The following AKAP6 variants were observed in gnomAD, a reference collection of about 807,000 sequenced individuals.
The protein encoded by AKAP6 is A-kinase anchoring protein 6.
In AKAP6, 58 loss-of-function variants were observed where a neutral mutation model predicts 188.5. The ratio of observed to expected loss-of-function variants is 0.31; its 90% CI spans 0.25 to 0.38. The LOEUF (loss-of-function observed/expected upper bound fraction) is 0.38, where lower values mean the gene tolerates loss of function less well. Ranked by LOEUF, AKAP6 falls within the 10% of genes least tolerant of loss-of-function variation. The pLI is 1.00. For synonymous variants in AKAP6, 989 were observed against 998.6 expected (o/e 0.99, Z 0.18); for missense variants, 2,710 against 2,740.0 (o/e 0.99, Z 0.24).
chr14:32,496,772 C>G (rs1269652410), intron 2 of AKAP6, among the ~76,000 whole-genome samples: 2 of 152,066 alleles, frequency 1.3e-5, no homozygotes, highest in Non-Finnish European at 2.9e-5. Flanking sequence ...TTTTGTATGG[C>G]TCAACCTAGT....
At chr14:32,651,046 A>G (rs1888201576) in intron 7 of AKAP6, among the ~76,000 whole-genome samples, 1 of 152,264 alleles carries the variant, frequency 6.6e-6, no homozygotes, top group Non-Finnish European at 1.5e-5. Flanking sequence ...AGACAACTAG[A>G]GATTGTGTTG....
chr14:32,485,753 A>G (rs1462762316), intron 2 of AKAP6, among the ~76,000 whole-genome samples: 3 of 152,088 alleles, frequency 2.0e-5, no homozygotes, highest in Non-Finnish European at 4.4e-5. Flanking sequence ...TTTTTCTCCC[A>G]TTCTGTAGGT....
At chr14:32,540,168 C>CTCTCTCTCTATATA (rs1240063339) in intron 3 of AKAP6, among the ~76,000 whole-genome samples, 19 of 60,916 alleles carry the variant, frequency 3.1e-4, no homozygotes, top group African/African-American at 1.8e-3. Context: ...CTCTCTCTCT[C>CTCTCTCTCTATATA]TATATATATA....
At chr14:32,372,770 C>CTG (rs3031400) in intron 1 of AKAP6, among the ~76,000 whole-genome samples, 6,109 of 147,532 alleles carry the variant, frequency 0.041, 171 homozygotes, top group African/African-American at 0.09. Context: ...TTTTGTTGCT[C>CTG]TGTGTGTGTG....
At chr14:32,587,762 C>T (rs1300659019) in intron 5 of AKAP6, among the ~76,000 whole-genome samples, 2 of 152,176 alleles carry the variant, frequency 1.3e-5, no homozygotes, top group African/African-American at 4.8e-5. Flanking sequence ...GCCCACTGCT[C>T]TACAGCTGGG....
rs370203793 is a variant in AKAP6, at chr14:32,509,195, G to C, written c.325-26359G>C. On this transcript the variant is annotated intron_variant, in intron 2 of 13. Coordinates refer to ENST00000280979, the MANE Select transcript of AKAP6 (RefSeq NM_004274.5). Reference sequence around the variant, plus strand: ...GCTGGAGTGCAGTGGCGCGATCTCGGCTCACTGCAACCTCTGGCTCCTGGG... The same window carrying C: ...GCTGGAGTGCAGTGGCGCGATCTCGCCTCACTGCAACCTCTGGCTCCTGGG... Among the ~76,000 whole-genome samples, 11 of 143,878 alleles carry C rather than the reference G, an allele frequency of 7.6e-5. No individual in the cohort carries two copies. In the East Asian group the frequency reaches 8.5e-4, roughly 11 times the overall value. The allele number at this position is 143,878 out of a possible 152,430, so 94.4% of individuals were successfully genotyped here.
In AKAP6 at chr14:32,404,691, G is replaced by GATAGATATATATAT; in HGVS notation, c.-34-28766_-34-28765insGATATATATATATA. Among the ~76,000 whole-genome samples, 60 of 44,424 alleles carry GATAGATATATATAT rather than the reference G, an allele frequency of 1.4e-3. 5 individuals are homozygous for GATAGATATATATAT. Among genetic ancestry groups the GATAGATATATATAT allele is most frequent in the Non-Finnish European group, 2.1e-3 (45 of 21,780 alleles). 29.1% of individuals were successfully genotyped at this position (44,424 alleles called of 152,430 possible). Reference sequence around the variant, plus strand: ...AGAGTGGGGTTATGAGGAGTCAGGAGATATATATATATATATATATTAGTC... The same window carrying GATAGATATATATAT: ...AGAGTGGGGTTATGAGGAGTCAGGAGATAGATATATATATATATATATATATATATATATTAGTC... On this transcript the variant is annotated intron_variant, in intron 1 of 13. Coordinates refer to ENST00000280979, the MANE Select transcript of AKAP6 (RefSeq NM_004274.5).
intron 2 of AKAP6, among the ~76,000 whole-genome samples, chr14:32,446,062 G>T (rs1890745921): frequency 6.6e-6 from 1 of 152,120 alleles, no homozygotes; most frequent in Admixed American, 6.5e-5. Context: ...ATGCATCAAA[G>T]AATATTTAAA....
intron 2 of AKAP6, among the ~76,000 whole-genome samples, chr14:32,503,828 T>G (rs565308400): frequency 6.6e-6 from 1 of 152,082 alleles, no homozygotes; most frequent in Non-Finnish European, 1.5e-5. Context: ...CTTATTGCCC[T>G]TTTTTCAGTT....
At position 32,433,762 on chromosome 14, in the gene AKAP6, C is replaced by G; in HGVS notation, c.269C>G (p.Ser90Ter). ...TSERVRDLTY[S>*]VQQDSDSKHV... ...GAGAGGGTCCGAGACCTAACCTATT[C>G]AGTCCAGCAGGATTCGGACAGCAAG... The change falls in exon 2 of 14, where the codon TCA becomes TGA. Residue 90 changes from serine to a stop codon, truncating the protein, a stop_gained. Transcript: ENST00000280979. LOFTEE classifies it high-confidence loss of function. 6.2e-7 allele frequency: 1 copy of G among 1,614,144 alleles called. No homozygotes were observed. The highest frequency in any genetic ancestry group is 8.5e-7 in the Non-Finnish European group (1 of 1,180,030).
chr14:32,502,531 C>T (rs769303081), intron 2 of AKAP6, among the ~76,000 whole-genome samples: 18 of 152,180 alleles, frequency 1.2e-4, no homozygotes, highest in South Asian at 2.1e-4. Flanking sequence ...ACAGTGAAAA[C>T]GCCACCTTTT....
intron 1 of AKAP6, among the ~76,000 whole-genome samples, chr14:32,388,788 G>A (rs1014910835): frequency 9.2e-5 from 14 of 152,026 alleles, no homozygotes; most frequent in African/African-American, 3.4e-4. Flanking sequence ...GTCTATATTG[G>A]AGAAAGTTCC....
intron 7 of AKAP6, among the ~76,000 whole-genome samples, chr14:32,672,387 T>C (rs1210203364): frequency 6.6e-6 from 1 of 152,220 alleles, no homozygotes; most frequent in African/African-American, 2.4e-5. Flanking sequence ...AAATTATTTC[T>C]CACAGTTCTG....
intron 4 of AKAP6, among the ~76,000 whole-genome samples, chr14:32,553,534 A>G (rs1458981564): frequency 1.3e-5 from 2 of 152,178 alleles, no homozygotes; most frequent in African/African-American, 4.8e-5. Flanking sequence ...GTTTTAAATC[A>G]TAGACATTTA....
chr14:32,396,933 A>G (rs1478869752), intron 1 of AKAP6, among the ~76,000 whole-genome samples: 5 of 152,218 alleles, frequency 3.3e-5, no homozygotes, highest in Admixed American at 2.6e-4. Flanking sequence ...TAACTTATTA[A>G]CAAACAAACA....
At position 32,830,067 on chromosome 14, in the gene AKAP6, T is replaced by C; in HGVS notation, c.*262T>C. 1.5e-6 allele frequency: 1 copy of C among 672,056 alleles called. No homozygotes were observed. Among genetic ancestry groups the C allele is most frequent in the Non-Finnish European group, 2.7e-6 (1 of 368,544 alleles). The allele number at this position is 672,056 out of a possible 1,614,324, so 41.6% of individuals were successfully genotyped here. A position where few individuals can be genotyped will look rare whatever the true frequency, so the allele number is the denominator to read the frequency against. ...TTCAGCAAAGCTGCTTGTTCTCCCA[T>C]GGATTCCTGTCCCAAGCTACCTCTA... On this transcript the variant is annotated 3_prime_UTR_variant, in exon 14 of 14. Coordinates refer to ENST00000280979, the MANE Select transcript of AKAP6 (RefSeq NM_004274.5).
intron 5 of AKAP6, among the ~76,000 whole-genome samples, chr14:32,596,557 A>G (rs1321511276): frequency 6.6e-6 from 1 of 152,168 alleles, no homozygotes; most frequent in African/African-American, 2.4e-5. Flanking sequence ...GCTAAAAAAG[A>G]CCTGGTGTCA....
At chr14:32,643,929 A>G (rs1887872498) in intron 7 of AKAP6, among the ~76,000 whole-genome samples, 1 of 152,182 alleles carries the variant, frequency 6.6e-6, no homozygotes, top group Non-Finnish European at 1.5e-5. Flanking sequence ...TAAACTCATA[A>G]TGCTGACTGC....
intron 5 of AKAP6, among the ~76,000 whole-genome samples, chr14:32,581,687 G>T (rs1265613081): frequency 1.3e-5 from 2 of 152,146 alleles, no homozygotes; most frequent in African/African-American, 4.8e-5. Context: ...CCTGTATTGG[G>T]TGCATATATA....
Sources: allele counts gnomAD v4.1 joint callset (sites outside exome capture counted in the v4.1 genomes callset), GRCh38; gene constraint gnomAD v4.1.1; transcripts MANE v1.5; gene names NCBI Gene and HGNC (gene_info 2026-07-23, HGNC 2026-07-21).